Variants in RORC observed in about 807,000 individuals in gnomAD.
The protein encoded by RORC is nuclear receptor ROR-gamma.
A neutral mutation model predicts 64.5 loss-of-function variants in RORC; 13 were observed. The ratio of observed to expected loss-of-function variants is 0.20; its 90% CI spans 0.13 to 0.32. The LOEUF (loss-of-function observed/expected upper bound fraction) is 0.32, where lower values mean the gene tolerates loss of function less well. Ranked by LOEUF, RORC falls within the 10% of genes least tolerant of loss-of-function variation. RORC has a pLI of 1.00. For synonymous variants in RORC, 277 were observed against 259.3 expected, an observed-to-expected ratio of 1.07 and a Z score of -0.65; for missense variants, 468 against 669.5, an observed-to-expected ratio of 0.70 and a Z score of 3.32.
chr1:151,828,735 CT>C lies in RORC; in HGVS notation c.70+693del, dbSNP rs1205046212. 3.9e-5 allele frequency among the ~76,000 whole-genome samples: 6 copies of C among 152,236 alleles called. No individual in the cohort carries two copies. The East Asian group carries it at 7.8e-4, about 20-fold the overall frequency. On this transcript the variant is annotated intron_variant, in intron 2 of 10. Coordinates refer to ENST00000318247, the MANE Select transcript of RORC (RefSeq NM_005060.4). Reference sequence around the variant, plus strand: ...GTGGCCCATGCCTGTAATCTCAGCACTTTGGGAGGCCGAGAGGGGTGGATCA... The same window carrying C: ...GTGGCCCATGCCTGTAATCTCAGCACTTGGGAGGCCGAGAGGGGTGGATCA...
At chr1:151,814,453 G>A (rs1246487054) in intron 6 of RORC, 121 bp downstream of exon 6, 41 of 1,045,724 alleles carry the variant, frequency 3.9e-5, no homozygotes, top group Non-Finnish European at 4.7e-5. Context: ...ATGCTTGTTG[G>A]CCAGCCTGTG....
Position 151,813,327 on chromosome 1 carries a change from C to T in RORC, c.1086G>A (p.Leu362=), listed in dbSNP as rs369002008. 1.9e-6 allele frequency: 3 copies of T among 1,614,024 alleles called. No homozygotes were observed. Among genetic ancestry groups the T allele is most frequent in the African/African-American group, 2.7e-5 (2 of 74,904 alleles). The change falls in exon 8 of 11, where the codon CTG becomes CTA. Residue 362 remains leucine, a synonymous_variant. Transcript: ENST00000318247. ...CATTGTAGGCCCGGCACATCCTAAC[C>T]AGCACCACTTCCATTGCTCCTGGGC... ...LLKAGAMEVV[L]VRMCRAYNAD...
At chr1:151,824,829 G>A (rs1283577598) in intron 2 of RORC, among the ~76,000 whole-genome samples, 1 of 152,234 alleles carries the variant, frequency 6.6e-6, no homozygotes, top group African/African-American at 2.4e-5. Flanking sequence ...GACTTGGCTT[G>A]TCTAAGTCTA....
intron 2 of RORC, among the ~76,000 whole-genome samples, chr1:151,819,524 G>A (rs1304696851): frequency 6.6e-6 from 1 of 152,130 alleles, no homozygotes; most frequent in Non-Finnish European, 1.5e-5. Context: ...GACCAGAGAT[G>A]GGAGAAACCA....
intron 2 of RORC, 77 bp downstream of exon 2, chr1:151,829,352 C>T: frequency 1.4e-6 from 2 of 1,382,970 alleles, no homozygotes; most frequent in Admixed American, 2.6e-5. Context: ...ACCTCAGTCC[C>T]CCCACAGATC....
chr1:151,831,009 A>G lies in RORC; in HGVS notation c.40+716T>C, dbSNP rs1319034841. 3 of 1,289,324 alleles carry G rather than the reference A, an allele frequency of 2.3e-6. No individual in the cohort carries two copies. In the South Asian group the frequency reaches 3.7e-5, roughly 16 times the overall value. 79.9% of individuals were successfully genotyped at this position (1,289,324 alleles called of 1,614,324 possible). ...TCAAACTTTCCTCCTCCATGCTCAC[A>G]GCTGACCAAGCCTGTGGCCCTGCGA... On this transcript the variant is annotated intron_variant, in intron 1 of 10. Coordinates refer to ENST00000318247, the MANE Select transcript of RORC (RefSeq NM_005060.4).
In RORC at chr1:151,811,478, G is replaced by A. The variant is rs749873240; in HGVS notation, c.1286-44C>T. 9 of 1,224,280 alleles carry A rather than the reference G, an allele frequency of 7.4e-6. No individual in the cohort carries two copies. The South Asian group carries it at 1.1e-4, about 15-fold the overall frequency. 75.8% of individuals were successfully genotyped at this position (1,224,280 alleles called of 1,614,324 possible). A position where few individuals can be genotyped will look rare whatever the true frequency, so the allele number is the denominator to read the frequency against. Reference sequence around the variant, plus strand: ...CCGTAATGAGAACAAGAAAGAACATGGACATTAACTCCCAACAAAAGGGTG... The same window carrying A: ...CCGTAATGAGAACAAGAAAGAACATAGACATTAACTCCCAACAAAAGGGTG... On this transcript the variant is annotated intron_variant, in intron 9 of 10. Transcript: ENST00000318247.
intron 2 of RORC, among the ~76,000 whole-genome samples, chr1:151,818,650 T>C (rs1302397211): frequency 6.6e-6 from 1 of 152,114 alleles, no homozygotes; most frequent in African/African-American, 2.4e-5. Context: ...ACCTGCTGCC[T>C]CCCCTCTGAG....
At chr1:151,819,206 C>G (rs1290949262) in intron 2 of RORC, among the ~76,000 whole-genome samples, 1 of 152,162 alleles carries the variant, frequency 6.6e-6, no homozygotes, top group African/African-American at 2.4e-5. Flanking sequence ...GGAACAGGGG[C>G]AGAAAACGTT....
chr1:151,827,774 A>G (rs943607343), intron 2 of RORC, among the ~76,000 whole-genome samples: 1 of 152,114 alleles, frequency 6.6e-6, no homozygotes, highest in Non-Finnish European at 1.5e-5. Flanking sequence ...CTGGATCCTC[A>G]GGACAACACT....
At chr1:151,831,643 T>C (rs1572050781) in intron 1 of RORC, 82 bp downstream of exon 1, 2 of 1,606,722 alleles carry the variant, frequency 1.2e-6, no homozygotes, top group East Asian at 4.5e-5. Flanking sequence ...CCTCACTTCT[T>C]GCCCAGTCTC....
At chr1:151,816,931 T>C in intron 3 of RORC, 126 bp from the exon 4 acceptor site, 1 of 1,077,392 alleles carries the variant, frequency 9.3e-7, no homozygotes, top group East Asian at 2.8e-5. Flanking sequence ...TTCTCTCTCC[T>C]CCATCTATTT....
At chr1:151,812,393 G>A (rs1422882044) in intron 9 of RORC, 1 of 153,142 alleles carries the variant, frequency 6.5e-6, no homozygotes, top group African/African-American at 2.4e-5. Flanking sequence ...TGTGTTATAT[G>A]CTTTTGCCAG....
intron 2 of RORC, chr1:151,825,948 G>C: frequency 1.2e-6 from 2 of 1,613,466 alleles, no homozygotes; most frequent in African/African-American, 2.7e-5. Context: ...ACTGAGCCTT[G>C]GCTCTGCCGG....
intron 2 of RORC, among the ~76,000 whole-genome samples, chr1:151,820,130 C>A (rs1651930104): frequency 6.6e-6 from 1 of 152,150 alleles, no homozygotes; most frequent in Non-Finnish European, 1.5e-5. Flanking sequence ...TCTAGTCCTG[C>A]TCCCCCCTCC....
chr1:151,812,757 G>T, intron 9 of RORC, 190 bp downstream of exon 9: 1 of 509,726 alleles, frequency 2.0e-6, no homozygotes, highest in Non-Finnish European at 3.5e-6. Flanking sequence ...TGCTGCTCTT[G>T]TCCCTCTCTG....
At chr1:151,816,175 G>T (rs2101660571) in intron 4 of RORC, among the ~76,000 whole-genome samples, 1 of 152,310 alleles carries the variant, frequency 6.6e-6, no homozygotes, top group East Asian at 1.9e-4. Context: ...GGTGAGGAGG[G>T]TGGATAAGGC....
chr1:151,831,023 G>A lies in RORC; in HGVS notation c.40+702C>T, dbSNP rs1652391908. On this transcript the variant is annotated intron_variant, in intron 1 of 10. Transcript: ENST00000318247. ...TCCATGCTCACAGCTGACCAAGCCT[G>A]TGGCCCTGCGATCCTGCTCTGAGGG... 4.7e-6 allele frequency: 6 copies of A among 1,289,254 alleles called. No individual in the cohort carries two copies. In the African/African-American group the frequency reaches 9.1e-5, roughly 20 times the overall value. The allele number at this position is 1,289,254 out of a possible 1,614,324, so 79.9% of individuals were successfully genotyped here.
intron 10 of RORC, among the ~76,000 whole-genome samples, chr1:151,809,966 C>T (rs1242928064): frequency 2.0e-5 from 3 of 149,238 alleles, no homozygotes; most frequent in Admixed American, 6.9e-5. Flanking sequence ...CTGATTTGCC[C>T]CTGACCTAAT....
Sources: gnomAD v4.1 joint callset for allele counts (sites outside exome capture counted in the v4.1 genomes callset) on GRCh38, gnomAD v4.1.1 for gene constraint, MANE v1.5 for transcripts, NCBI Gene and HGNC (gene_info 2026-07-23, HGNC 2026-07-21) for gene names.